Variants in ANAPC1 observed in about 807,000 individuals in gnomAD.
ANAPC1 encodes anaphase-promoting complex subunit 1.
A neutral mutation model predicts 208.0 loss-of-function variants in ANAPC1; 36 were observed. The ratio of observed to expected loss-of-function variants is 0.17; its 90% CI spans 0.13 to 0.23. ANAPC1 has a LOEUF of 0.23. Ranked by LOEUF, ANAPC1 falls within the 10% of genes least tolerant of loss-of-function variation. The pLI, the probability that ANAPC1 is intolerant of heterozygous loss-of-function variation, is 1.00. For synonymous variants in ANAPC1, 378 were observed against 695.2 expected, an observed-to-expected ratio of 0.54 and a Z score of 7.18; for missense variants, 942 against 2,011.6, an observed-to-expected ratio of 0.47 and a Z score of 10.17.
chr2:111,878,374 C>T (rs1388905642), intron 3 of ANAPC1, among the ~76,000 whole-genome samples: 1 of 152,216 alleles, frequency 6.6e-6, no homozygotes, highest in Non-Finnish European at 1.5e-5. Context: ...ACTTTCAGAA[C>T]AGTTAGTTAT....
intron 13 of ANAPC1, among the ~76,000 whole-genome samples, chr2:111,853,948 C>T (rs552595223): frequency 1.3e-5 from 2 of 152,250 alleles, no homozygotes; most frequent in South Asian, 2.1e-4. Flanking sequence ...GATCTCCTGA[C>T]CTCATGATCC....
At chr2:111,858,767 G>GAAAA (rs59260533) in intron 10 of ANAPC1, among the ~76,000 whole-genome samples, 1 of 122,824 alleles carries the variant, frequency 8.1e-6, no homozygotes, top group Non-Finnish European at 1.7e-5. Context: ...GTCTCAAAAA[G>GAAAA]AAAAAAAAAA....
At chr2:111,808,692 C>CA (rs1452568390) in intron 29 of ANAPC1, among the ~76,000 whole-genome samples, 1 of 151,752 alleles carries the variant, frequency 6.6e-6, no homozygotes, top group African/African-American at 2.4e-5. Flanking sequence ...ACAGGTACCT[C>CA]ATTAAATGTG....
intron 10 of ANAPC1, among the ~76,000 whole-genome samples, chr2:111,859,844 T>C (rs902788960): frequency 6.6e-6 from 1 of 152,218 alleles, no homozygotes; most frequent in Non-Finnish European, 1.5e-5. Context: ...CATCAATCAT[T>C]TCCTCTGTTC....
In ANAPC1 at chr2:111,872,192, C is replaced by A. The variant is rs564891042; in HGVS notation, c.611+438G>T. Among the ~76,000 whole-genome samples the A allele has an allele frequency of 2.8e-3, 421 of 152,204 alleles. 2 individuals are homozygous for A. The highest frequency in any genetic ancestry group is 9.6e-3 in the African/African-American group (397 of 41,516). On this transcript the variant is annotated intron_variant, in intron 6 of 47. Transcript: ENST00000341068. Reference sequence around the variant, plus strand: ...TCTATGCCTAGTTTGTTTTTATCATCAAGGGATGCTGAATTTTATCCAATG... The same window carrying A: ...TCTATGCCTAGTTTGTTTTTATCATAAAGGGATGCTGAATTTTATCCAATG...
chr2:111,837,158 T>A (rs1490638602), intron 18 of ANAPC1, among the ~76,000 whole-genome samples: 26 of 152,170 alleles, frequency 1.7e-4, no homozygotes, highest in Admixed American at 1.7e-3. Context: ...ACTACTGGTA[T>A]CTGTAACAAT....
At chr2:111,787,744 T>C (rs1395745363) in intron 39 of ANAPC1, among the ~76,000 whole-genome samples, 3 of 151,296 alleles carry the variant, frequency 2.0e-5, no homozygotes, top group South Asian at 2.1e-4. Flanking sequence ...CACTTCTAAA[T>C]TGTCTCTGGT....
chr2:111,860,088 A>G (rs922367655), intron 10 of ANAPC1, among the ~76,000 whole-genome samples: 1 of 152,096 alleles, frequency 6.6e-6, no homozygotes, highest in African/African-American at 2.4e-5. Context: ...GCTTGAGCCC[A>G]GGAGTTTGAG....
At chr2:111,853,807 C>T (rs1681545392) in intron 13 of ANAPC1, among the ~76,000 whole-genome samples, 1 of 152,088 alleles carries the variant, frequency 6.6e-6, no homozygotes, top group South Asian at 2.1e-4. Flanking sequence ...AGCTCCGCCT[C>T]CTGGGTTCAC....
At chr2:111,823,000 C>CTTTTTT (rs58815496) in intron 24 of ANAPC1, among the ~76,000 whole-genome samples, 1 of 61,310 alleles carries the variant, frequency 1.6e-5, no homozygotes, top group Non-Finnish European at 2.8e-5. Flanking sequence ...TCTTTTTATT[C>CTTTTTT]TTTTTTTTTT....
At chr2:111,875,783 C>T (rs1429977462) in intron 3 of ANAPC1, among the ~76,000 whole-genome samples, 3 of 152,232 alleles carry the variant, frequency 2.0e-5, no homozygotes, top group East Asian at 1.9e-4. Flanking sequence ...ACCCACACTT[C>T]GTGTACAGCC....
At chr2:111,771,681 A>T (rs1352322099) in intron 47 of ANAPC1, among the ~76,000 whole-genome samples, 1 of 151,616 alleles carries the variant, frequency 6.6e-6, no homozygotes, top group Non-Finnish European at 1.5e-5. Context: ...TCTAGATAGT[A>T]AACTTTTATC....
chr2:111,849,827 C>T (rs1681292041), intron 14 of ANAPC1, among the ~76,000 whole-genome samples: 3 of 151,622 alleles, frequency 2.0e-5, no homozygotes, highest in Admixed American at 2.0e-4. Context: ...CCAAAATACA[C>T]CTATTTACAA....
intron 43 of ANAPC1, 81 bp downstream of exon 43, chr2:111,782,288 C>T (rs1444273549): frequency 1.3e-6 from 2 of 1,571,510 alleles, no homozygotes; most frequent in Admixed American, 3.6e-5. Context: ...AGCAGATCCA[C>T]CTTTGAAGTT....
intron 13 of ANAPC1, among the ~76,000 whole-genome samples, chr2:111,855,273 A>T (rs1681637038): frequency 1.3e-5 from 2 of 152,202 alleles, no homozygotes; most frequent in South Asian, 4.1e-4. Flanking sequence ...AACATCAAAG[A>T]CCACTGATCA....
intron 15 of ANAPC1, 30 bp downstream of exon 15, chr2:111,847,695 C>T: frequency 7.3e-7 from 1 of 1,377,538 alleles, no homozygotes. Context: ...CAGCCCACTT[C>T]TTGGAAAGCT....
At chr2:111,836,691 C>T (rs182410751) in intron 18 of ANAPC1, among the ~76,000 whole-genome samples, 2 of 151,286 alleles carry the variant, frequency 1.3e-5, no homozygotes, top group Admixed American at 1.3e-4. Context: ...TCCACGGGCC[C>T]GGCATGGTGG....
intron 10 of ANAPC1, among the ~76,000 whole-genome samples, chr2:111,861,400 C>T (rs1682056103): frequency 6.6e-6 from 1 of 152,176 alleles, no homozygotes; most frequent in South Asian, 2.1e-4. Flanking sequence ...AGCCTTTTCC[C>T]TCCCCTCTGC....
At position 111,772,375 on chromosome 2, in the gene ANAPC1, T is replaced by C; in HGVS notation, c.5685A>G (p.Pro1895=). The C allele has an allele frequency of 6.2e-7, 1 of 1,609,808 alleles. No individual in the cohort carries two copies. The highest frequency in any genetic ancestry group is 8.5e-7 in the Non-Finnish European group (1 of 1,178,458). ...CTATAGGTGGCAGGTGCTGTGGAGC[T>C]GGCACAGAGTGGTAGACGAGGAAGC... ...LACFLVYHSV[P]APQHLPPIGL... The change falls in exon 47 of 48, where the codon CCA becomes CCG. Residue 1895 remains proline (P), a synonymous_variant. Coordinates refer to ENST00000341068, the MANE Select transcript of ANAPC1 (RefSeq NM_022662.4).
Sources: allele counts gnomAD v4.1 joint callset (sites outside exome capture counted in the v4.1 genomes callset), GRCh38; gene constraint gnomAD v4.1.1; transcripts MANE v1.5; gene names NCBI Gene and HGNC (gene_info 2026-07-23, HGNC 2026-07-21).